Variants in ADAMTSL1 observed in about 807,000 individuals in gnomAD.
ADAMTSL1 encodes ADAMTS like 1.
Under a neutral mutation model 201.8 loss-of-function variants are expected in ADAMTSL1, and 126 were observed. The ratio of observed to expected loss-of-function variants is 0.62; its 90% CI spans 0.54 to 0.72. The LOEUF (loss-of-function observed/expected upper bound fraction) is 0.72. ADAMTSL1 is among the 30% of genes least tolerant of loss of function. The pLI, the probability that ADAMTSL1 is intolerant of heterozygous loss-of-function variation, is 0.00. For missense variants in ADAMTSL1, 2,679 were observed against 2,277.8 expected (o/e 1.18, Z -3.59); for synonymous variants, 1,121 against 903.4 (o/e 1.24, Z -4.32).
chr9:18,779,396 A>T (rs562609347), intron 19 of ADAMTSL1, among the ~76,000 whole-genome samples: 1 of 152,176 alleles, frequency 6.6e-6, no homozygotes, highest in Non-Finnish European at 1.5e-5. Flanking sequence ...TTGTGCTCCA[A>T]CTGTATGCCA....
At chr9:18,563,765 G>A (rs756695990) in intron 3 of ADAMTSL1, among the ~76,000 whole-genome samples, 6 of 152,170 alleles carry the variant, frequency 3.9e-5, no homozygotes, top group African/African-American at 1.2e-4. Flanking sequence ...GCGTAGCTGC[G>A]GTGGGCTCTG....
intron 1 of ADAMTSL1, among the ~76,000 whole-genome samples, chr9:17,923,090 G>C (rs182763793): frequency 1.3e-5 from 2 of 152,256 alleles, no homozygotes; most frequent in Admixed American, 1.3e-4. Context: ...CTCCAGCTTT[G>C]TTCTTTTGGC....
intron 2 of ADAMTSL1, among the ~76,000 whole-genome samples, chr9:18,445,144 C>T (rs949054723): frequency 2.0e-5 from 3 of 152,096 alleles, no homozygotes; most frequent in African/African-American, 7.2e-5. Flanking sequence ...ATGTTTCCTC[C>T]TCAAGAAGTC....
chr9:18,790,794 A>T (rs1821988416), intron 19 of ADAMTSL1, among the ~76,000 whole-genome samples: 1 of 152,216 alleles, frequency 6.6e-6, no homozygotes, highest in Non-Finnish European at 1.5e-5. Flanking sequence ...AGGGTCAAAG[A>T]AGTAAAGTAA....
intron 2 of ADAMTSL1, among the ~76,000 whole-genome samples, chr9:18,278,155 T>A (rs1225679438): frequency 6.6e-6 from 1 of 152,202 alleles, no homozygotes; most frequent in Non-Finnish European, 1.5e-5. Context: ...TAATACTTTA[T>A]CATTAAACTT....
chr9:18,611,568 C>A (rs143764034), intron 4 of ADAMTSL1, among the ~76,000 whole-genome samples: 4 of 152,028 alleles, frequency 2.6e-5, no homozygotes, highest in African/African-American at 9.7e-5. Context: ...GTAAATAAGA[C>A]GAGAACACAA....
At chr9:18,019,272 A>G (rs1820383425) in intron 1 of ADAMTSL1, among the ~76,000 whole-genome samples, 2 of 151,988 alleles carry the variant, frequency 1.3e-5, no homozygotes, top group African/African-American at 4.8e-5. Context: ...AATTTGGGGG[A>G]AGGATTGTTA....
chr9:18,534,845 G>C (rs1819659233), intron 3 of ADAMTSL1, among the ~76,000 whole-genome samples: 1 of 152,222 alleles, frequency 6.6e-6, no homozygotes, highest in Non-Finnish European at 1.5e-5. Flanking sequence ...GCCACAGCTG[G>C]AGTGGCTGGG....
intron 19 of ADAMTSL1, among the ~76,000 whole-genome samples, chr9:18,778,430 G>A (rs1588093926): frequency 6.6e-6 from 1 of 152,216 alleles, no homozygotes; most frequent in East Asian, 1.9e-4. Context: ...ATTCCCAGTG[G>A]GACCTGTGAT....
chr9:18,871,987 A>G (rs1167443346), intron 23 of ADAMTSL1, among the ~76,000 whole-genome samples: 1 of 152,046 alleles, frequency 6.6e-6, no homozygotes, highest in African/African-American at 2.4e-5. Context: ...CCTACCCACA[A>G]TGCTGGCTGT....
At chr9:18,501,459 G>A (rs562305846) in intron 1 of ADAMTSL1, among the ~76,000 whole-genome samples, 12 of 146,464 alleles carry the variant, frequency 8.2e-5, no homozygotes, top group South Asian at 4.3e-4. Flanking sequence ...TGCAATGATC[G>A]TGTCACTGCA....
chr9:18,136,915 A>G (rs1826182142), intron 1 of ADAMTSL1, among the ~76,000 whole-genome samples: 1 of 152,152 alleles, frequency 6.6e-6, no homozygotes, highest in African/African-American at 2.4e-5. Flanking sequence ...CAAAATTGTA[A>G]GGAGGGTCAA....
chr9:18,060,720 C>G lies in ADAMTSL1; in HGVS notation c.88-103142C>G, dbSNP rs548765812. Among the ~76,000 whole-genome samples, 146 of 152,282 alleles carry G rather than the reference C, an allele frequency of 9.6e-4. 1 individual carries two copies. Among genetic ancestry groups the G allele is most frequent in the Non-Finnish European group, 1.6e-3 (109 of 67,992 alleles). On this transcript the variant is annotated intron_variant, in intron 1 of 29. Transcript: ENST00000680146. Reference sequence around the variant, plus strand: ...TAATAATTCGTCTCACCACTGCCCCCTATCCTGAACTTTTAGAAATTCTCA... The same window carrying G: ...TAATAATTCGTCTCACCACTGCCCCGTATCCTGAACTTTTAGAAATTCTCA...
intron 4 of ADAMTSL1, among the ~76,000 whole-genome samples, chr9:18,618,282 TA>T (rs1455604519): frequency 6.6e-6 from 1 of 152,196 alleles, no homozygotes; most frequent in Non-Finnish European, 1.5e-5. Flanking sequence ...TGCAGACTCG[TA>T]TGTCAATGGC....
intron 1 of ADAMTSL1, among the ~76,000 whole-genome samples, chr9:17,953,805 T>G (rs2131379387): frequency 6.6e-6 from 1 of 152,332 alleles, no homozygotes; most frequent in East Asian, 1.9e-4. Context: ...TTTAAACAGC[T>G]AATTTTTTAT....
At chr9:18,477,384 T>A (rs1479183370) in intron 1 of ADAMTSL1, among the ~76,000 whole-genome samples, 1 of 152,188 alleles carries the variant, frequency 6.6e-6, no homozygotes, top group African/African-American at 2.4e-5. Context: ...TTCTTTTTCT[T>A]CTCTGTACTA....
chr9:18,150,213 A>C (rs1409668124), intron 1 of ADAMTSL1, among the ~76,000 whole-genome samples: 3 of 152,096 alleles, frequency 2.0e-5, no homozygotes, highest in Non-Finnish European at 4.4e-5. Context: ...TTGGTAGAAT[A>C]AGATAGTAGT....
At chr9:18,406,516 A>C (rs992176789) in intron 2 of ADAMTSL1, among the ~76,000 whole-genome samples, 2 of 151,888 alleles carry the variant, frequency 1.3e-5, no homozygotes, top group Admixed American at 1.3e-4. Flanking sequence ...TTTTTCGTAG[A>C]GACAGGGTTT....
At chr9:18,769,302 G>C (rs536954747) in intron 16 of ADAMTSL1, among the ~76,000 whole-genome samples, 7 of 152,172 alleles carry the variant, frequency 4.6e-5, no homozygotes, top group South Asian at 2.1e-4. Flanking sequence ...AAACTCTCAC[G>C]CTTTTTAAAA....
Sources: gnomAD v4.1 joint callset for allele counts (sites outside exome capture counted in the v4.1 genomes callset) on GRCh38, gnomAD v4.1.1 for gene constraint, MANE v1.5 for transcripts, NCBI Gene and HGNC (gene_info 2026-07-23, HGNC 2026-07-21) for gene names.